RPS6KC1: variants seen among roughly 807,000 people sequenced by gnomAD.
The protein encoded by RPS6KC1 is inactive ribosomal protein S6 kinase delta-1.
Under a neutral mutation model 103.8 loss-of-function variants are expected in RPS6KC1, and 54 were observed. That is an observed-to-expected ratio of 0.52 (90% CI 0.42 to 0.65). The LOEUF is 0.65. Among genes scored for constraint, RPS6KC1 ranks in the 30% least tolerant of loss-of-function variants. RPS6KC1 has a pLI of 0.00. For missense variants in RPS6KC1, 1,151 were observed against 1,253.8 expected (o/e 0.92, Z 1.24); for synonymous variants, 439 against 438.7 (o/e 1.00, Z -0.01).
the RPS6KC1 span, among the ~76,000 whole-genome samples, chr1:213,417,651 T>C: frequency 6.6e-6 from 1 of 150,960 alleles, no homozygotes; most frequent in African/African-American, 2.4e-5. Context: ...TGGGGGAGAC[T>C]AGTGGAGAGG....
At chr1:213,592,442 G>C in the RPS6KC1 span, among the ~76,000 whole-genome samples, 1 of 152,012 alleles carries the variant, frequency 6.6e-6, no homozygotes, top group Non-Finnish European at 1.5e-5. Flanking sequence ...AAAAATCAGG[G>C]GTTCAGATGA....
chr1:213,718,921 T>C, the RPS6KC1 span, among the ~76,000 whole-genome samples: 1 of 152,146 alleles, frequency 6.6e-6, no homozygotes, highest in South Asian at 2.1e-4. Context: ...GCACTTTGAG[T>C]GACAAGACAG....
At chr1:213,558,855 T>G in the RPS6KC1 span, among the ~76,000 whole-genome samples, 1 of 152,242 alleles carries the variant, frequency 6.6e-6, no homozygotes, top group Non-Finnish European at 1.5e-5. Flanking sequence ...ACCTTGCTTC[T>G]GTTTTCTGTA....
the RPS6KC1 span, among the ~76,000 whole-genome samples, chr1:213,302,715 C>A: frequency 1.3e-5 from 2 of 152,178 alleles, no homozygotes. Flanking sequence ...CCTATCTGTC[C>A]TAGTGGCTTC....
chr1:213,540,502 T>A, the RPS6KC1 span, among the ~76,000 whole-genome samples: 1 of 152,124 alleles, frequency 6.6e-6, no homozygotes, highest in African/African-American at 2.4e-5. Context: ...TACCACCATG[T>A]CTGGCTGATT....
the RPS6KC1 span, among the ~76,000 whole-genome samples, chr1:213,796,440 T>C: frequency 6.6e-6 from 1 of 152,182 alleles, no homozygotes; most frequent in Non-Finnish European, 1.5e-5. Context: ...TGCCTTTTGT[T>C]CAGAGAGGCG....
rs773290681 is a variant in RPS6KC1, at chr1:213,272,604, C to T, written c.3171C>T (p.Thr1057=). The change falls in exon 15 of 15, where the codon ACC becomes ACT. Residue 1057 remains threonine, a synonymous_variant. Coordinates refer to ENST00000366960, the MANE Select transcript of RPS6KC1 (RefSeq NM_012424.6). ...VEDIKSHPFF[T]PVDWAELMR is the part of the protein sequence containing the mutation. ...ATATCAAATCTCATCCATTTTTTAC[C>T]CCTGTGGATTGGGCAGAACTGATGA... The T allele has an allele frequency of 2.5e-6, 4 of 1,613,490 alleles. No individual in the cohort carries two copies. Among genetic ancestry groups the T allele is most frequent in the Non-Finnish European group, 8.5e-7 (1 of 1,179,560 alleles).
At chr1:213,505,771 G>C in the RPS6KC1 span, among the ~76,000 whole-genome samples, 1 of 152,160 alleles carries the variant, frequency 6.6e-6, no homozygotes, top group South Asian at 2.1e-4. Flanking sequence ...CTCTACAGTT[G>C]TTTTGGTTTC....
chr1:213,674,051 C>T, the RPS6KC1 span, among the ~76,000 whole-genome samples: 9 of 152,070 alleles, frequency 5.9e-5, no homozygotes, highest in African/African-American at 1.7e-4. Flanking sequence ...CAGAGTCTCG[C>T]TATGTTGCCC....
chr1:213,798,048 T>G, the RPS6KC1 span, among the ~76,000 whole-genome samples: 1 of 152,168 alleles, frequency 6.6e-6, no homozygotes, highest in South Asian at 2.1e-4. Flanking sequence ...GATAGTCTCT[T>G]GGAATTCAGT....
the RPS6KC1 span, among the ~76,000 whole-genome samples, chr1:213,298,086 G>T: frequency 6.6e-6 from 1 of 152,222 alleles, no homozygotes; most frequent in Non-Finnish European, 1.5e-5. Flanking sequence ...CAACTTGGGG[G>T]CATCTTCAGC....
At chr1:213,739,262 G>T in the RPS6KC1 span, among the ~76,000 whole-genome samples, 1 of 151,932 alleles carries the variant, frequency 6.6e-6, no homozygotes, top group Non-Finnish European at 1.5e-5. Flanking sequence ...ATAACATTTT[G>T]TTTTCTCTAG....
chr1:213,283,290 A>G, the RPS6KC1 span, among the ~76,000 whole-genome samples: 1 of 152,226 alleles, frequency 6.6e-6, no homozygotes. Flanking sequence ...CTGGGAAGAT[A>G]GCAAAGATGG....
intron 8 of RPS6KC1, among the ~76,000 whole-genome samples, chr1:213,213,304 T>C (rs796204349): frequency 2.0e-4 from 30 of 152,368 alleles, no homozygotes; most frequent in African/African-American, 6.7e-4. Flanking sequence ...AGCACCATTT[T>C]TGAAAGGGCT....
the RPS6KC1 span, among the ~76,000 whole-genome samples, chr1:213,375,021 A>G: frequency 1.3e-5 from 2 of 151,570 alleles, no homozygotes; most frequent in Non-Finnish European, 2.9e-5. Context: ...ACACATACAT[A>G]CACATACACA....
intron 6 of RPS6KC1, among the ~76,000 whole-genome samples, chr1:213,134,855 GATTATA>G (rs1157857108): frequency 1.3e-5 from 2 of 152,134 alleles, no homozygotes; most frequent in African/African-American, 2.4e-5. Flanking sequence ...AACTGTATAA[GATTATA>G]ATTCTGAGAA....
intron 1 of RPS6KC1, among the ~76,000 whole-genome samples, chr1:213,061,695 T>C (rs921477962): frequency 6.6e-6 from 1 of 152,106 alleles, no homozygotes; most frequent in South Asian, 2.1e-4. Context: ...ATGCATTATA[T>C]TGATGAATGT....
chr1:213,056,456 C>T (rs1246439387), intron 1 of RPS6KC1, among the ~76,000 whole-genome samples: 1 of 152,148 alleles, frequency 6.6e-6, no homozygotes, highest in Non-Finnish European at 1.5e-5. Context: ...CATATGGGGA[C>T]ACCTATGTGT....
chr1:213,141,824 T>A (rs80242369), intron 6 of RPS6KC1, among the ~76,000 whole-genome samples: 2 of 147,984 alleles, frequency 1.4e-5, no homozygotes, highest in African/African-American at 4.9e-5. Flanking sequence ...ATGTCGTATC[T>A]TTTTTTTTTT....
Sources: gnomAD v4.1 joint callset for allele counts (sites outside exome capture counted in the v4.1 genomes callset) on GRCh38, gnomAD v4.1.1 for gene constraint, MANE v1.5 for transcripts, NCBI Gene and HGNC (gene_info 2026-07-23, HGNC 2026-07-21) for gene names.